Variants in DCC observed in about 807,000 individuals in gnomAD.
DCC encodes the protein DCC netrin 1 receptor.
DCC carries 58 observed loss-of-function variants against 172.5 expected under a neutral mutation model. The observed-to-expected ratio is 0.34, with a 90% CI of 0.27 to 0.42. The LOEUF (loss-of-function observed/expected upper bound fraction) is 0.42. Ranked by LOEUF, DCC falls within the 10% of genes least tolerant of loss-of-function variation. The probability of loss-of-function intolerance (pLI) is 1.00; values close to 1 mark genes in which losing one functional copy is unlikely to be tolerated. For missense variants in DCC, 1,740 were observed against 1,791.0 expected (o/e 0.97, Z 0.51); for synonymous variants, 709 against 644.5 (o/e 1.10, Z -1.52).
chr18:53,276,576 A>G (rs2056808741), intron 12 of DCC, among the ~76,000 whole-genome samples: 1 of 152,142 alleles, frequency 6.6e-6, no homozygotes, highest in South Asian at 2.1e-4. Flanking sequence ...ATCATGGGCT[A>G]GCTGGAATTT....
intron 1 of DCC, among the ~76,000 whole-genome samples, chr18:52,429,064 C>A (rs1264643027): frequency 2.0e-5 from 3 of 152,150 alleles, no homozygotes; most frequent in South Asian, 2.1e-4. Context: ...CATCCCCTTG[C>A]CTTTCTAAGA....
intron 8 of DCC, among the ~76,000 whole-genome samples, chr18:53,178,296 T>A (rs917286058): frequency 1.3e-5 from 2 of 152,250 alleles, no homozygotes; most frequent in Admixed American, 1.3e-4. Context: ...ATTCATTAGT[T>A]TGCAACACTG....
At chr18:52,747,448 C>G (rs2036923614) in intron 1 of DCC, among the ~76,000 whole-genome samples, 1 of 152,222 alleles carries the variant, frequency 6.6e-6, no homozygotes, top group Non-Finnish European at 1.5e-5. Context: ...ATGAAATTCT[C>G]TGCAGCATTG....
intron 5 of DCC, among the ~76,000 whole-genome samples, chr18:53,023,401 C>CAAAAAAAAAAAAAAAAAAAAAAAAAA (rs869070422): frequency 1.2e-4 from 3 of 24,428 alleles, no homozygotes; most frequent in African/African-American, 5.8e-4. Flanking sequence ...TAACTCAGAC[C>CAAAAAAAAAAAAAAAAAAAAAAAAAA]AAAAAAAAAA....
Position 52,923,709 on chromosome 18 carries a change from C to A in DCC, c.700C>A (p.Pro234Thr), listed in dbSNP as rs1250656110. 2 of 1,603,026 alleles carry A rather than the reference C, an allele frequency of 1.2e-6. No homozygotes were observed. The highest frequency in any genetic ancestry group is 1.1e-5 in the South Asian group (1 of 90,846). The change falls in exon 4 of 29, where the codon CCA becomes ACA. Residue 234 changes from proline to threonine, a missense_variant and splice_region_variant. Pro to Thr is a conservative substitution (Grantham distance 38). This residue lies in a region of DCC where 1,732 missense variants were observed against 1,767.4 expected (regional missense o/e 0.98). Transcript: ENST00000442544. ...NEAEVRILSDPGLHRQLYFLQ... is the reference protein window; with the variant it reads ...NEAEVRILSDTGLHRQLYFLQ... ...GATACTGTGTTTTCCCCTCATAGAT[C>A]CAGGACTGCATAGACAGCTGTATTT...
intron 7 of DCC, among the ~76,000 whole-genome samples, chr18:53,131,838 C>A (rs1312707839): frequency 6.6e-6 from 1 of 151,146 alleles, no homozygotes; most frequent in Admixed American, 6.6e-5. Flanking sequence ...GTCAGCACAG[C>A]AAAGGCCGAA....
intron 21 of DCC, among the ~76,000 whole-genome samples, chr18:53,417,094 T>G (rs1910356602): frequency 6.6e-6 from 1 of 152,198 alleles, no homozygotes; most frequent in East Asian, 1.9e-4. Context: ...AGTGCTTACT[T>G]GCAAACGTGT....
chr18:53,208,266 C>T (rs947732271), intron 11 of DCC, among the ~76,000 whole-genome samples: 1 of 151,658 alleles, frequency 6.6e-6, no homozygotes, highest in Admixed American at 6.6e-5. Context: ...CAGAGTAAGA[C>T]CCTTTCTCCA....
chr18:52,948,212 A>G (rs1446399456), intron 5 of DCC, among the ~76,000 whole-genome samples: 1 of 152,124 alleles, frequency 6.6e-6, no homozygotes, highest in Admixed American at 6.5e-5. Flanking sequence ...ATAGCTTCAT[A>G]GGGACTCTGC....
At chr18:52,962,042 G>A (rs1348990825) in intron 5 of DCC, among the ~76,000 whole-genome samples, 1 of 152,000 alleles carries the variant, frequency 6.6e-6, no homozygotes, top group Non-Finnish European at 1.5e-5. Context: ...CAGGACATAG[G>A]CATGGGCAAG....
rs189677712 is a variant in DCC at position 52,961,979 on chromosome 18, A to C, written c.985+36609A>C. Among the ~76,000 whole-genome samples the C allele has an allele frequency of 5.6e-3, 857 of 152,324 alleles. 8 individuals are homozygous for C. The highest frequency in any genetic ancestry group is 0.02 in the African/African-American group (823 of 41,564). On this transcript the variant is annotated intron_variant, in intron 5 of 28. Coordinates refer to ENST00000442544, the MANE Select transcript of DCC (RefSeq NM_005215.4). ...AATTCAAGATGGATTAAAGACTTAAATGTTAGACCTAAAACCATAAAAACC... is the reference window on the plus strand; with the variant it reads ...AATTCAAGATGGATTAAAGACTTAACTGTTAGACCTAAAACCATAAAAACC...
At chr18:52,576,467 C>T (rs530515210) in intron 1 of DCC, among the ~76,000 whole-genome samples, 1 of 152,296 alleles carries the variant, frequency 6.6e-6, no homozygotes, top group South Asian at 2.1e-4. Flanking sequence ...ATGTTGCCAG[C>T]TCTCAGAACT....
intron 1 of DCC, among the ~76,000 whole-genome samples, chr18:52,404,292 TC>T (rs1460648964): frequency 1.3e-5 from 2 of 152,030 alleles, no homozygotes; most frequent in African/African-American, 4.8e-5. Flanking sequence ...AACTCTTCCT[TC>T]CATAGGTCAG....
At chr18:52,554,117 G>A (rs976742256) in intron 1 of DCC, among the ~76,000 whole-genome samples, 2 of 152,052 alleles carry the variant, frequency 1.3e-5, no homozygotes, top group African/African-American at 4.8e-5. Context: ...AATGTTAGCT[G>A]TTACTGTTAT....
intron 12 of DCC, among the ~76,000 whole-genome samples, chr18:53,264,694 A>T (rs1201850216): frequency 6.6e-6 from 1 of 152,010 alleles, no homozygotes; most frequent in Non-Finnish European, 1.5e-5. Flanking sequence ...CCTGCTGCTC[A>T]GCGTTTAGAT....
chr18:53,526,847 T>G (rs2046461762), intron 28 of DCC, 88 bp downstream of exon 28: 1 of 1,125,146 alleles, frequency 8.9e-7, no homozygotes, highest in South Asian at 1.4e-5. Context: ...GTACTGTCCA[T>G]TCACCCCAGG....
intron 26 of DCC, among the ~76,000 whole-genome samples, chr18:53,489,937 A>G (rs1355729310): frequency 1.3e-5 from 2 of 152,166 alleles, no homozygotes; most frequent in African/African-American, 4.8e-5. Context: ...GAAAACTTCA[A>G]CCAATAGATA....
At chr18:53,507,671 C>G (rs944440366) in intron 27 of DCC, among the ~76,000 whole-genome samples, 5 of 152,078 alleles carry the variant, frequency 3.3e-5, no homozygotes, top group Non-Finnish European at 7.4e-5. Context: ...GATAAGTAAG[C>G]CCTATTCATG....
intron 1 of DCC, among the ~76,000 whole-genome samples, chr18:52,606,049 A>C (rs1321328866): frequency 5.3e-5 from 8 of 152,138 alleles, no homozygotes; most frequent in Non-Finnish European, 2.9e-5. Context: ...AATGACAGAG[A>C]AAAGAGAAAA....
Sources: gnomAD v4.1 joint callset for allele counts (sites outside exome capture counted in the v4.1 genomes callset) on GRCh38, gnomAD v4.1.1 for gene constraint, gnomAD v4.1.1 regional missense constraint, MANE v1.5 for transcripts, NCBI Gene and HGNC (gene_info 2026-07-23, HGNC 2026-07-21) for gene names.